The following SUCLG2 variants were observed in gnomAD, a reference collection of about 807,000 sequenced individuals.
SUCLG2 encodes succinate-CoA ligase GDP-forming subunit beta.
A neutral mutation model predicts 47.9 loss-of-function variants in SUCLG2; 42 were observed. The ratio of observed to expected loss-of-function variants is 0.88; its 90% CI spans 0.69 to 1.14. The LOEUF is 1.14. Ranked by LOEUF, SUCLG2 falls within the 50% of genes most tolerant of loss-of-function variation. The probability of loss-of-function intolerance (pLI) is 0.00; values close to 1 mark genes in which losing one functional copy is unlikely to be tolerated. For missense variants in SUCLG2, 571 were observed against 525.9 expected (o/e 1.09, Z -0.84); for synonymous variants, 195 against 197.3 (o/e 0.99, Z 0.10).
At chr3:67,399,751 T>G (rs1702641320) in intron 10 of SUCLG2, among the ~76,000 whole-genome samples, 1 of 152,184 alleles carries the variant, frequency 6.6e-6, no homozygotes, top group African/African-American at 2.4e-5. Context: ...CACAGACCAA[T>G]GGGTTTTAAT....
chr3:67,399,589 A>T (rs555806242), intron 10 of SUCLG2, among the ~76,000 whole-genome samples: 1 of 152,182 alleles, frequency 6.6e-6, no homozygotes, highest in Non-Finnish European at 1.5e-5. Flanking sequence ...AAGCTTTTCT[A>T]ATATGATGGT....
chr3:67,620,584 C>CAAAAAAAAAAAAAAAAAAAAAAAA (rs71109890), intron 1 of SUCLG2, among the ~76,000 whole-genome samples: 7 of 63,478 alleles, frequency 1.1e-4, no homozygotes, highest in Non-Finnish European at 1.2e-4. Context: ...GACTCCATCT[C>CAAAAAAAAAAAAAAAAAAAAAAAA]AAAAAAAAAA....
At chr3:67,419,063 G>C (rs920623955) in intron 9 of SUCLG2, among the ~76,000 whole-genome samples, 12 of 152,028 alleles carry the variant, frequency 7.9e-5, no homozygotes, top group Non-Finnish European at 1.5e-4. Flanking sequence ...CAGGTTGCTT[G>C]CTTCCTGATA....
chr3:67,535,517 G>A (rs1010059317), intron 2 of SUCLG2, among the ~76,000 whole-genome samples: 8 of 152,106 alleles, frequency 5.3e-5, no homozygotes, highest in African/African-American at 1.9e-4. Flanking sequence ...CAGGCCTAAT[G>A]GGAGGTGCTT....
At chr3:67,612,597 C>A (rs564670090) in intron 1 of SUCLG2, among the ~76,000 whole-genome samples, 9 of 152,312 alleles carry the variant, frequency 5.9e-5, no homozygotes, top group Admixed American at 2.6e-4. Context: ...TTAAAACAAT[C>A]AGGAAATGTC....
At chr3:67,576,064 T>G (rs1390480317) in intron 2 of SUCLG2, among the ~76,000 whole-genome samples, 1 of 152,216 alleles carries the variant, frequency 6.6e-6, no homozygotes, top group African/African-American at 2.4e-5. Flanking sequence ...TGAATTTCCA[T>G]GTAACTGCAG....
In SUCLG2 at chr3:67,553,907, C is replaced by T. The variant is rs186055119; in HGVS notation, c.227-24721G>A. On this transcript the variant is annotated intron_variant, in intron 2 of 10. Transcript: ENST00000307227. ...AGAAACACATCAACTAAAAAATGTA[C>T]GCAGATTACTAATAATTGATAAGCA... 4.2e-4 allele frequency among the ~76,000 whole-genome samples: 64 copies of T among 152,240 alleles called. No homozygotes were observed. In the East Asian group the frequency reaches 4.2e-3, roughly 10 times the overall value.
At chr3:67,494,395 G>C (rs1047266544) in intron 9 of SUCLG2, among the ~76,000 whole-genome samples, 1 of 152,110 alleles carries the variant, frequency 6.6e-6, no homozygotes, top group African/African-American at 2.4e-5. Flanking sequence ...CAAGATCTGA[G>C]GGCCTGAGGT....
intron 1 of SUCLG2, among the ~76,000 whole-genome samples, chr3:67,614,856 T>G (rs1476849871): frequency 1.3e-5 from 2 of 152,140 alleles, no homozygotes; most frequent in African/African-American, 4.8e-5. Flanking sequence ...TGATGAAAGC[T>G]GGACTAATTC....
intron 9 of SUCLG2, among the ~76,000 whole-genome samples, chr3:67,406,276 T>C (rs1702806141): frequency 6.6e-6 from 1 of 152,182 alleles, no homozygotes; most frequent in Non-Finnish European, 1.5e-5. Flanking sequence ...ATTTAATATA[T>C]ATTCTTCACG....
chr3:67,481,646 G>A (rs1704919614), intron 9 of SUCLG2, among the ~76,000 whole-genome samples: 1 of 152,202 alleles, frequency 6.6e-6, no homozygotes, highest in African/African-American at 2.4e-5. Context: ...TAAACCTAGA[G>A]ACTGGTATGT....
rs180793899 is a variant in SUCLG2, at chr3:67,570,209, C to T, written c.226+39246G>A. ...GATCTTGGACTTCTAGCTTTCAGAA[C>T]TATGAAAAATAAACTTCTGTTATTT... On this transcript the variant is annotated intron_variant, in intron 2 of 10. Transcript: ENST00000307227. Among the ~76,000 whole-genome samples, 768 of 152,324 alleles carry T rather than the reference C, an allele frequency of 5.0e-3. 5 individuals carry two copies. Among genetic ancestry groups the T allele is most frequent in the Non-Finnish European group, 8.4e-3 (574 of 68,022 alleles).
downstream of SUCLG2, among the ~76,000 whole-genome samples, chr3:67,370,534 C>A (rs376072816): frequency 3.3e-5 from 5 of 152,198 alleles, no homozygotes; most frequent in Non-Finnish European, 5.9e-5. Context: ...ATACAGGAAT[C>A]CCCCCTTACC....
At chr3:67,614,686 A>G (rs1415264403) in intron 1 of SUCLG2, among the ~76,000 whole-genome samples, 1 of 152,110 alleles carries the variant, frequency 6.6e-6, no homozygotes, top group Non-Finnish European at 1.5e-5. Context: ...TTGGGACCCT[A>G]TACTGGAGAA....
chr3:67,529,056 A>G (rs1706331872), intron 3 of SUCLG2, 31 bp downstream of exon 3: 4 of 1,574,664 alleles, frequency 2.5e-6, no homozygotes, highest in Non-Finnish European at 8.6e-7. Context: ...TGCTTGGCCA[A>G]AAGACAAGGA....
At position 67,498,166 on chromosome 3, in the gene SUCLG2, T is replaced by C. The variant is rs374846104; in HGVS notation, c.887A>G (p.Tyr296Cys). 20 of 1,613,056 alleles carry C rather than the reference T, an allele frequency of 1.2e-5. No homozygotes were observed. The African/African-American group carries it at 2.7e-4, about 22-fold the overall frequency. Residue 296 changes from tyrosine (Y) to cysteine (C), a missense_variant, in exon 8 of 11, where the codon TAC becomes TGC. By Grantham distance (194) the Tyr-to-Cys change is radical. Coordinates refer to ENST00000307227, the MANE Select transcript of SUCLG2 (RefSeq NM_003848.4). ...ENEAAKYDLKYIGLDGNIACF... is the reference protein window; with the variant it reads ...ENEAAKYDLKCIGLDGNIACF... ...GGCAATGTTCCCATCTAGTCCTATG[T>C]ATTTTAGATCATATTTGGCAGCTTC...
intron 2 of SUCLG2, among the ~76,000 whole-genome samples, chr3:67,576,899 A>G (rs1429623285): frequency 6.6e-6 from 1 of 150,992 alleles, no homozygotes; most frequent in African/African-American, 2.4e-5. Flanking sequence ...TCACTTGTCA[A>G]TATCAGTCAT....
chr3:67,517,958 C>A (rs895683340), intron 6 of SUCLG2, among the ~76,000 whole-genome samples: 3 of 152,066 alleles, frequency 2.0e-5, no homozygotes, highest in Admixed American at 6.5e-5. Context: ...GGCTAAGTAC[C>A]AGCAATGCTA....
At chr3:67,453,278 A>G (rs1704101339) in intron 9 of SUCLG2, among the ~76,000 whole-genome samples, 1 of 152,046 alleles carries the variant, frequency 6.6e-6, no homozygotes, top group Non-Finnish European at 1.5e-5. Context: ...AAAACAAAAC[A>G]CCATTAACTG....
Sources: allele counts gnomAD v4.1 joint callset (sites outside exome capture counted in the v4.1 genomes callset), GRCh38; gene constraint gnomAD v4.1.1; transcripts MANE v1.5; gene names NCBI Gene and HGNC (gene_info 2026-07-23, HGNC 2026-07-21).